The following DHX37 variants were observed in gnomAD, a reference collection of about 807,000 sequenced individuals.
DHX37 encodes the protein DEAH-box helicase 37.
Under a neutral mutation model 134.3 loss-of-function variants are expected in DHX37, and 52 were observed. That is an observed-to-expected ratio of 0.39 (90% confidence interval 0.31 to 0.49). DHX37 has a LOEUF of 0.49. DHX37 is among the 20% of genes least tolerant of loss of function. DHX37 has a pLI of 0.93. For synonymous variants in DHX37, 634 were observed against 670.7 expected (o/e 0.95, Z 0.85); for missense variants, 1,344 against 1,580.8 (o/e 0.85, Z 2.54).
intron 15 of DHX37, among the ~76,000 whole-genome samples, chr12:124,961,256 GCACACACATACACGCGTGCACGCACA>G (rs1270353224): frequency 4.4e-5 from 4 of 90,130 alleles, no homozygotes; most frequent in Non-Finnish European, 8.6e-5. Context: ...GTGCACGCAC[GCACACACATACACGCGTGCACGCACA>G]CACACTTACA....
chr12:124,967,179 T>C lies in DHX37; in HGVS notation c.1448A>G (p.His483Arg). Residue 483 changes from histidine (H) to arginine (R), a missense_variant, in exon 11 of 27, where the codon CAT becomes CGT. By Grantham distance (29) the His-to-Arg change is conservative. Transcript: ENST00000308736. ...LVFLTGQAEV[H>R]ALCRRLRKAF... ...CTTCCTGAGCCTGCGGCACAGCGCA[T>C]GCACCTCAGCCTGCCCCGTCAGGAA... 4 of 1,613,884 alleles carry C rather than the reference T, an allele frequency of 2.5e-6. No individual in the cohort carries two copies. The highest frequency in any genetic ancestry group is 3.4e-6 in the Non-Finnish European group (4 of 1,180,026).
intron 16 of DHX37, among the ~76,000 whole-genome samples, chr12:124,959,883 C>G (rs7303442): frequency 6.6e-6 from 1 of 152,030 alleles, no homozygotes; most frequent in Non-Finnish European, 1.5e-5. Flanking sequence ...GGGATCTGAA[C>G]GCCCACAGGA....
intron 7 of DHX37, among the ~76,000 whole-genome samples, chr12:124,971,796 C>T (rs1232760964): frequency 3.9e-5 from 6 of 152,228 alleles, no homozygotes; most frequent in Admixed American, 3.9e-4. Flanking sequence ...AGCTTCTTCA[C>T]CAGACAGCAG....
rs1184597953 is a variant in DHX37, at chr12:124,949,613, A to T, written c.3290+373T>A. ...TCAGCGTGTGACCTTATATGGAAAG[A>T]GGGTCACTGCAAATGTCATGAGTTA... On this transcript the variant is annotated intron_variant, in intron 25 of 26. Coordinates refer to ENST00000308736, the MANE Select transcript of DHX37 (RefSeq NM_032656.4). The surrounding 1 kb of genome is among the most constrained non-coding windows in gnomAD (Gnocchi z 4.0). Among the ~76,000 whole-genome samples, 1 of 152,274 alleles carries T rather than the reference A, an allele frequency of 6.6e-6. No homozygotes were observed. Among genetic ancestry groups the T allele is most frequent in the East Asian group, 1.9e-4 (1 of 5,182 alleles).
intron 14 of DHX37, 21 bp downstream of exon 14, chr12:124,964,909 G>A (rs771288689): frequency 1.7e-5 from 26 of 1,574,808 alleles, no homozygotes; most frequent in Middle Eastern, 1.7e-4. Context: ...CAAAAGCTGG[G>A]CACCGGCCCA....
chr12:124,960,477 G>T (rs80136262), intron 15 of DHX37, 54 bp from the exon 16 acceptor site: 4 of 1,600,908 alleles, frequency 2.5e-6, no homozygotes, highest in Non-Finnish European at 3.4e-6. Flanking sequence ...AAAAACCACA[G>T]ATGAATACAG....
intron 5 of DHX37, 69 bp from the exon 6 acceptor site, chr12:124,975,580 T>C: frequency 6.5e-7 from 1 of 1,533,550 alleles, no homozygotes; most frequent in Non-Finnish European, 8.9e-7. Context: ...CCTCATGCAG[T>C]TCCACAGCAA....
chr12:124,984,010 A>G (rs1216160544), intron 2 of DHX37, among the ~76,000 whole-genome samples: 1 of 152,118 alleles, frequency 6.6e-6, no homozygotes, highest in Non-Finnish European at 1.5e-5. Context: ...AGGGCCAAAT[A>G]AGTTTTTGTT....
Position 124,964,528 on chromosome 12 carries a change from G to A in DHX37, c.1911C>T (p.Asp637=). The A allele has an allele frequency of 6.2e-7, 1 of 1,614,066 alleles. No individual in the cohort carries two copies. The highest frequency in any genetic ancestry group is 2.2e-5 in the East Asian group (1 of 44,880). The stretch of plus-strand genomic sequence containing the variant: ...AGTAGCGTTTCTTGACCTTCCCACA[G>A]TCCACCACGTACTTGATGCCAGGGA... ...LTIPGIKYVV[D]CGKVKKRYYD... is the part of the protein sequence containing the mutation. The change falls in exon 15 of 27, where the codon GAC becomes GAT. Residue 637 remains aspartate, a synonymous_variant. Coordinates refer to ENST00000308736, the MANE Select transcript of DHX37 (RefSeq NM_032656.4).
In DHX37 at chr12:124,975,442, G is replaced by A; in HGVS notation, c.957C>T (p.Ala319=). 6.2e-7 allele frequency: 1 copy of A among 1,613,020 alleles called. No individual in the cohort carries two copies. Among genetic ancestry groups the A allele is most frequent in the South Asian group, 1.1e-5 (1 of 91,080 alleles). ...VAAVAMSQRV[A]KEMNLSQRVV... ...ACCGCTGGGACAGATTCATCTCCTT[G>A]GCCACTCGCTGGGACATGGCCACGG... is the stretch of plus-strand genomic sequence containing the variant. Residue 319 remains alanine (A), a synonymous_variant, in exon 6 of 27, where the codon GCC becomes GCT. Transcript: ENST00000308736.
intron 1 of DHX37, among the ~76,000 whole-genome samples, chr12:124,987,766 T>G (rs1954902830): frequency 6.6e-6 from 1 of 152,192 alleles, no homozygotes; most frequent in African/African-American, 2.4e-5. Flanking sequence ...ACATCTGTAT[T>G]CTATTCACTG....
chr12:124,958,388 G>A lies in DHX37; in HGVS notation c.2158-1253C>T, dbSNP rs186175613. ...AGCCACTGCGGAGTTTCTACAGAGT[G>A]GACTTGATGTCACTTGTGGGAGGCA... On this transcript the variant is annotated intron_variant, in intron 16 of 26. Coordinates refer to ENST00000308736, the MANE Select transcript of DHX37 (RefSeq NM_032656.4). Among the ~76,000 whole-genome samples, 14 of 152,304 alleles carry A rather than the reference G, an allele frequency of 9.2e-5. 1 individual carries two copies. The highest frequency in any genetic ancestry group is 3.4e-4 in the African/African-American group (14 of 41,570).
chr12:124,960,052 C>T (rs1472151174), intron 16 of DHX37, among the ~76,000 whole-genome samples: 4 of 152,198 alleles, frequency 2.6e-5, no homozygotes, highest in South Asian at 2.1e-4. Flanking sequence ...GCCCCACGGA[C>T]GGATAGTACA....
chr12:124,971,859 C>T (rs1341373801), intron 7 of DHX37, among the ~76,000 whole-genome samples: 2 of 152,236 alleles, frequency 1.3e-5, no homozygotes, highest in Non-Finnish European at 2.9e-5. Flanking sequence ...CCCACTTGAC[C>T]GAATGGCCGG....
chr12:124,947,641 T>C lies in DHX37; in HGVS notation c.*161A>G, dbSNP rs1953900622. 1.1e-6 allele frequency: 1 copy of C among 939,202 alleles called. No homozygotes were observed. Among genetic ancestry groups the C allele is most frequent in the East Asian group, 2.7e-5 (1 of 37,400 alleles). 58.2% of individuals were successfully genotyped at this position (939,202 alleles called of 1,614,324 possible). On this transcript the variant is annotated 3_prime_UTR_variant, in exon 27 of 27. Transcript: ENST00000308736. ...ATGGCACGGGCGGCAGCACCCTTCA[T>C]ACGGGATCGAGCTCTCATGGATGAG...
rs1473225651 is a variant in DHX37, at chr12:124,949,088, G to A, written c.3290+898C>T. On this transcript the variant is annotated intron_variant, in intron 25 of 26. Transcript: ENST00000308736. This position sits in a 1 kb window ranked among gnomAD's most constrained non-coding sequence, Gnocchi z 4.0. The stretch of plus-strand genomic sequence containing the variant: ...AGTCGCACTCCACCCCCTGCCCACC[G>A]AGGCCTCACTCATGTCCTGCTCTGT... Among the ~76,000 whole-genome samples, 2 of 152,032 alleles carry A rather than the reference G, an allele frequency of 1.3e-5. No homozygotes were observed. The highest frequency in any genetic ancestry group is 2.4e-5 in the African/African-American group (1 of 41,400).
rs555304592 is a variant in DHX37 at position 124,980,067 on chromosome 12, G to T, written c.738+423C>A. ...ACCAGGAAGGAAACAGGCACAGAGA[G>T]GGGGAGCCCCTTCAGTAGCCGGAAT... On this transcript the variant is annotated intron_variant, in intron 4 of 26. Coordinates refer to ENST00000308736, the MANE Select transcript of DHX37 (RefSeq NM_032656.4). The surrounding 1 kb of genome is among the most constrained non-coding windows in gnomAD (Gnocchi z 5.3). Among the ~76,000 whole-genome samples the T allele has an allele frequency of 7.2e-5, 11 of 152,220 alleles. No homozygotes were observed. Among genetic ancestry groups the T allele is most frequent in the African/African-American group, 2.4e-4 (10 of 41,450 alleles).
intron 23 of DHX37, 82 bp downstream of exon 23, chr12:124,950,331 G>T: frequency 6.2e-7 from 1 of 1,601,168 alleles, no homozygotes; most frequent in Non-Finnish European, 8.5e-7. Context: ...ACACACGTCC[G>T]GGGGCAGGGG....
In DHX37 at chr12:124,967,187, A is replaced by G. The variant is rs1954407192; in HGVS notation, c.1440T>C (p.Ala480=). 3.7e-6 allele frequency: 6 copies of G among 1,613,912 alleles called. No individual in the cohort carries two copies. Among genetic ancestry groups the G allele is most frequent in the Non-Finnish European group, 5.1e-6 (6 of 1,180,022 alleles). The change falls in exon 11 of 27, where the codon GCT becomes GCC. Residue 480 remains alanine, a synonymous_variant. Transcript: ENST00000308736. Reference sequence around the variant, plus strand: ...GCCTGCGGCACAGCGCATGCACCTCAGCCTGCCCCGTCAGGAACACCAGGA... The same window carrying G: ...GCCTGCGGCACAGCGCATGCACCTCGGCCTGCCCCGTCAGGAACACCAGGA... ...GGILVFLTGQ[A]EVHALCRRLR... is the part of the protein sequence containing the mutation.
Sources: allele counts gnomAD v4.1 joint callset (sites outside exome capture counted in the v4.1 genomes callset), GRCh38; gene constraint gnomAD v4.1.1; non-coding constraint Gnocchi (gnomAD v3.1); transcripts MANE v1.5; gene names NCBI Gene and HGNC (gene_info 2026-07-23, HGNC 2026-07-21).